The following ARB2A variants were observed in gnomAD, a reference collection of about 807,000 sequenced individuals.
ARB2A encodes the protein ARB2 cotranscriptional regulator A, also known as cotranscriptional regulator ARB2A.
the ARB2A span, among the ~76,000 whole-genome samples, chr5:94,064,598 A>G: frequency 6.6e-6 from 1 of 152,234 alleles, no homozygotes; most frequent in Admixed American, 6.5e-5. Flanking sequence ...CAAGGACAGT[A>G]GCCACTCACT....
the ARB2A span, chr5:93,881,574 C>A: frequency 6.2e-7 from 1 of 1,608,768 alleles, no homozygotes; most frequent in Non-Finnish European, 8.5e-7. Flanking sequence ...TCTTTTCTTT[C>A]CCGTTTTTCT....
At chr5:93,676,948 C>A in the ARB2A span, among the ~76,000 whole-genome samples, 1 of 152,116 alleles carries the variant, frequency 6.6e-6, no homozygotes, top group Non-Finnish European at 1.5e-5. Flanking sequence ...AGATTGGACA[C>A]TGTGTTTTCC....
chr5:93,705,341 C>T, the ARB2A span, among the ~76,000 whole-genome samples: 2 of 152,134 alleles, frequency 1.3e-5, no homozygotes, highest in African/African-American at 4.8e-5. Context: ...TCTCAAACTT[C>T]CTGAAATTTT....
chr5:93,707,339 T>A, the ARB2A span, among the ~76,000 whole-genome samples: 3 of 152,156 alleles, frequency 2.0e-5, no homozygotes, highest in Non-Finnish European at 4.4e-5. Context: ...CTTGGTAAGA[T>A]TGGGGAAGTC....
chr5:93,824,358 A>T, the ARB2A span: 88 of 821,578 alleles, frequency 1.1e-4, no homozygotes, highest in South Asian at 2.9e-3. Context: ...CATACACAGC[A>T]TATGAAATAC....
At chr5:93,780,823 T>A in the ARB2A span, among the ~76,000 whole-genome samples, 1 of 151,876 alleles carries the variant, frequency 6.6e-6, no homozygotes, top group African/African-American at 2.4e-5. Flanking sequence ...CCTCCCAACA[T>A]GTTGGGATTA....
At chr5:93,831,902 G>A in the ARB2A span, among the ~76,000 whole-genome samples, 2 of 152,032 alleles carry the variant, frequency 1.3e-5, no homozygotes, top group African/African-American at 4.8e-5. Context: ...CTTGACTAAG[G>A]TCAAGCTGAA....
At chr5:93,864,787 TA>T in the ARB2A span, among the ~76,000 whole-genome samples, 623 of 152,232 alleles carry the variant, frequency 4.1e-3, 1 homozygote, top group Middle Eastern at 0.014. Context: ...CATTGAAAAA[TA>T]AAATTTTCCT....
At chr5:93,686,954 A>C in the ARB2A span, among the ~76,000 whole-genome samples, 39 of 152,292 alleles carry the variant, frequency 2.6e-4, no homozygotes, top group Admixed American at 1.9e-3. Context: ...CTAAAAAAAA[A>C]CTGCATTTTT....
chr5:94,063,415 C>G, the ARB2A span, among the ~76,000 whole-genome samples: 1 of 152,144 alleles, frequency 6.6e-6, no homozygotes, highest in African/African-American at 2.4e-5. Flanking sequence ...GTGAACTGCT[C>G]AGAACTCAGA....
the ARB2A span, among the ~76,000 whole-genome samples, chr5:93,965,385 A>G: frequency 6.6e-6 from 1 of 152,032 alleles, no homozygotes; most frequent in East Asian, 1.9e-4. Flanking sequence ...TATAAGCAGT[A>G]AACGAATTCT....
chr5:93,891,393 G>A, the ARB2A span, among the ~76,000 whole-genome samples: 1 of 151,942 alleles, frequency 6.6e-6, no homozygotes, highest in South Asian at 2.1e-4. Context: ...GTGCACAGTG[G>A]TGTTTTAAGA....
chr5:94,067,109 T>G, the ARB2A span, among the ~76,000 whole-genome samples: 1 of 152,332 alleles, frequency 6.6e-6, no homozygotes, highest in African/African-American at 2.4e-5. Flanking sequence ...TCTCAGTAGA[T>G]GCAGTGAAAG....
chr5:93,976,719 C>G, the ARB2A span, among the ~76,000 whole-genome samples: 3 of 152,154 alleles, frequency 2.0e-5, no homozygotes, highest in Middle Eastern at 3.4e-3. Flanking sequence ...CAATTAAAAC[C>G]CTTTCCTTTA....
the ARB2A span, among the ~76,000 whole-genome samples, chr5:94,021,877 T>A: frequency 1.3e-5 from 2 of 152,170 alleles, no homozygotes; most frequent in African/African-American, 4.8e-5. Flanking sequence ...AGGACCAGCC[T>A]GGCCAGCATG....
At chr5:93,998,016 CAG>C in the ARB2A span, among the ~76,000 whole-genome samples, 2 of 150,496 alleles carry the variant, frequency 1.3e-5, no homozygotes, top group Admixed American at 6.6e-5. Flanking sequence ...CACACACACA[CAG>C]AGAGAGAAAT....
the ARB2A span, among the ~76,000 whole-genome samples, chr5:93,665,722 C>A: frequency 6.6e-6 from 1 of 152,120 alleles, no homozygotes; most frequent in Non-Finnish European, 1.5e-5. Context: ...GACATCATAG[C>A]GTGTCTGATA....
the ARB2A span, among the ~76,000 whole-genome samples, chr5:93,803,149 C>T: frequency 6.6e-6 from 1 of 152,012 alleles, no homozygotes; most frequent in African/African-American, 2.4e-5. Flanking sequence ...TGCCTATCCA[C>T]GAGGAATGAG....
the ARB2A span, among the ~76,000 whole-genome samples, chr5:93,765,271 G>A: frequency 6.6e-6 from 1 of 152,176 alleles, no homozygotes; most frequent in Non-Finnish European, 1.5e-5. Context: ...GTTTGCAGAC[G>A]ACGTGATTGT....
Sources: gnomAD v4.1 joint callset for allele counts (sites outside exome capture counted in the v4.1 genomes callset) on GRCh38, gnomAD v4.1.1 for gene constraint, MANE v1.5 for transcripts, NCBI Gene and HGNC (gene_info 2026-07-23, HGNC 2026-07-21) for gene names.